Variants in ADGRL2 observed in about 807,000 individuals in gnomAD.
ADGRL2 encodes calcium-independent alpha-latrotoxin receptor 2.
In ADGRL2, 44 loss-of-function variants were observed where a neutral mutation model predicts 157.4. That is an observed-to-expected ratio of 0.28 (90% CI 0.22 to 0.36). ADGRL2 has a LOEUF of 0.36. Among genes scored for constraint, ADGRL2 ranks in the 10% least tolerant of loss-of-function variants. ADGRL2 has a pLI of 1.00. For missense variants in ADGRL2, 1,510 were observed against 1,768.9 expected, an observed-to-expected ratio of 0.85 and a Z score of 2.63; for synonymous variants, 585 against 624.7, an observed-to-expected ratio of 0.94 and a Z score of 0.95.
chr1:81,426,353 G>A, intron 1 of ADGRL2: 1 of 278,830 alleles, frequency 3.6e-6, no homozygotes, highest in Non-Finnish European at 7.0e-6. Flanking sequence ...GGCAGAGAAA[G>A]TTAGAGAGGT....
chr1:81,440,854 T>A (rs1557691105), intron 1 of ADGRL2, among the ~76,000 whole-genome samples: 2 of 152,228 alleles, frequency 1.3e-5, no homozygotes, highest in Admixed American at 6.5e-5. Flanking sequence ...ACCTCTTGCA[T>A]CTTTTTCTTC....
At chr1:81,530,951 G>C (rs2079583102) in intron 2 of ADGRL2, among the ~76,000 whole-genome samples, 1 of 151,848 alleles carries the variant, frequency 6.6e-6, no homozygotes, top group Non-Finnish European at 1.5e-5. Flanking sequence ...AGGCATGGTG[G>C]CGCACACCTG....
At chr1:81,876,882 A>T (rs1028403304) in intron 2 of ADGRL2, among the ~76,000 whole-genome samples, 1 of 152,192 alleles carries the variant, frequency 6.6e-6, no homozygotes, top group Admixed American at 6.5e-5. Flanking sequence ...AGTTTTAGCC[A>T]TAGTTTCAAA....
intron 2 of ADGRL2, among the ~76,000 whole-genome samples, chr1:81,540,830 TTGGAAG>T (rs1428346767): frequency 6.6e-6 from 1 of 152,032 alleles, no homozygotes; most frequent in Admixed American, 6.6e-5. Context: ...TTTGCTTTTG[TTGGAAG>T]GAAATAAAAG....
chr1:81,374,047 A>G (rs2076204601), intron 1 of ADGRL2, among the ~76,000 whole-genome samples: 1 of 151,224 alleles, frequency 6.6e-6, no homozygotes, highest in African/African-American at 2.4e-5. Flanking sequence ...AGAAGTCAAC[A>G]ATATGTTGTG....
At chr1:81,439,040 G>A (rs72940925) in intron 1 of ADGRL2, among the ~76,000 whole-genome samples, 1 of 152,008 alleles carries the variant, frequency 6.6e-6, no homozygotes, top group Admixed American at 6.6e-5. Context: ...CCCTTTACCT[G>A]CCGTAAAACT....
rs374918471 is a variant in ADGRL2 at position 81,338,534 on chromosome 1, A to C, written c.-302+32025A>C. Among the ~76,000 whole-genome samples the C allele has an allele frequency of 5.3e-4, 81 of 152,318 alleles. 1 individual carries two copies. The South Asian group carries it at 0.014, about 26-fold the overall frequency. ...TTTGAGATCACAGTAATAGAAATTA[A>C]GTGAGTTAACTAAAAAAGAACAAAG... On this transcript the variant is annotated intron_variant, in intron 1 of 24. Coordinates refer to the ADGRL2 transcript ENST00000370721.
chr1:81,588,789 C>T (rs2081075790), intron 3 of ADGRL2, among the ~76,000 whole-genome samples: 1 of 152,184 alleles, frequency 6.6e-6, no homozygotes, highest in South Asian at 2.1e-4. Flanking sequence ...TTTCTGACTC[C>T]TCCTGATAAT....
intron 2 of ADGRL2, among the ~76,000 whole-genome samples, chr1:81,852,564 G>A (rs539889516): frequency 3.9e-5 from 6 of 152,204 alleles, no homozygotes; most frequent in Admixed American, 3.3e-4. Context: ...CTTCTTCAAA[G>A]TATGATCATT....
rs370974683 is a variant in ADGRL2, at chr1:81,927,945, AGATTT to A, written c.288-8777_288-8773del. ...ATAAAATAAAAAAAACTTTTTGAAA[AGATTT>A]GATTTAACATTCAACTCCATTTTTC... On this transcript the variant is annotated intron_variant, in intron 3 of 23. Coordinates refer to ENST00000686636, the MANE Select transcript of ADGRL2 (RefSeq NM_001366006.2). 3.5e-4 allele frequency among the ~76,000 whole-genome samples: 54 copies of A among 152,188 alleles called. No homozygotes were observed. In the East Asian group the frequency reaches 9.6e-3, roughly 27 times the overall value.
At chr1:81,805,177 G>T (rs377418911) in intron 1 of ADGRL2, among the ~76,000 whole-genome samples, 1 of 151,998 alleles carries the variant, frequency 6.6e-6, no homozygotes, top group South Asian at 2.1e-4. Context: ...TTTACAGAGA[G>T]AACATATCTT....
Position 81,990,400 on chromosome 1 carries a change from T to C in ADGRL2, c.3665T>C (p.Leu1222Pro), listed in dbSNP as rs1183018579. The C allele has an allele frequency of 6.2e-7, 1 of 1,612,924 alleles. No individual in the cohort carries two copies. The highest frequency in any genetic ancestry group is 2.2e-5 in the East Asian group (1 of 44,842). Residue 1222 changes from leucine to proline, a missense_variant, in exon 24 of 24, where the codon CTG becomes CCG. Coordinates refer to ENST00000686636, the MANE Select transcript of ADGRL2 (RefSeq NM_001366006.2). ...PATYRETRHS[L>P]NNARDTSAMD... ...CCCTCTTCTGTTTCAGGACATTCAC[T>C]GAACAATGCCAGGGATACAAGTGCC...
intron 2 of ADGRL2, among the ~76,000 whole-genome samples, chr1:81,534,981 T>G (rs2079698395): frequency 6.6e-6 from 1 of 152,226 alleles, no homozygotes; most frequent in Admixed American, 6.5e-5. Context: ...TCCCTCTTTC[T>G]TCCCCTACCT....
At chr1:81,874,253 C>G (rs2093771982) in intron 2 of ADGRL2, among the ~76,000 whole-genome samples, 1 of 152,098 alleles carries the variant, frequency 6.6e-6, no homozygotes, top group Non-Finnish European at 1.5e-5. Context: ...ATAGGTCAAG[C>G]TGAAAATTAA....
At chr1:81,586,205 T>C (rs2081022378) in intron 3 of ADGRL2, 1 of 152,094 alleles carries the variant, frequency 6.6e-6, no homozygotes, top group Non-Finnish European at 1.5e-5. Flanking sequence ...CTTAAGGTAG[T>C]TGACATCATA....
rs1340494987 is a variant in ADGRL2 at position 81,991,378 on chromosome 1, A to G, written c.*233A>G. Reference sequence around the variant, plus strand: ...GAATTATTTGTTACAAAGAAAAGAGATGCCAGCCAGGTATTTTAAGATTCT... The same window carrying G: ...GAATTATTTGTTACAAAGAAAAGAGGTGCCAGCCAGGTATTTTAAGATTCT... On this transcript the variant is annotated 3_prime_UTR_variant, in exon 24 of 24. Transcript: ENST00000686636. The G allele has an allele frequency of 5.8e-6, 2 of 343,710 alleles. No homozygotes were observed. The highest frequency in any genetic ancestry group is 1.1e-5 in the Non-Finnish European group (2 of 189,444). The allele number at this position is 343,710 out of a possible 1,614,324, so 21.3% of individuals were successfully genotyped here. A position where few individuals can be genotyped will look rare whatever the true frequency, so the allele number is the denominator to read the frequency against.
chr1:81,494,182 C>G (rs2147970287), intron 2 of ADGRL2, among the ~76,000 whole-genome samples: 1 of 152,274 alleles, frequency 6.6e-6, no homozygotes, highest in South Asian at 2.1e-4. Context: ...GTAGGGGTGT[C>G]AGAATCTTGC....
chr1:81,765,168 G>A (rs544427283), intron 2 of ADGRL2, among the ~76,000 whole-genome samples: 61 of 151,970 alleles, frequency 4.0e-4, no homozygotes, highest in African/African-American at 1.4e-3. Context: ...AAAGAGCGGG[G>A]AGCCAAATTC....
intron 1 of ADGRL2, among the ~76,000 whole-genome samples, chr1:81,755,133 G>GAT (rs906272628): frequency 1.1e-4 from 14 of 127,084 alleles, no homozygotes; most frequent in East Asian, 3.1e-4. Context: ...TAGATTTAAA[G>GAT]ATATATATAT....
Sources: gnomAD v4.1 joint callset for allele counts (sites outside exome capture counted in the v4.1 genomes callset) on GRCh38, gnomAD v4.1.1 for gene constraint, MANE v1.5 for transcripts, NCBI Gene and HGNC (gene_info 2026-07-23, HGNC 2026-07-21) for gene names.